LIMD1: variants seen among roughly 807,000 people sequenced by gnomAD.
LIMD1 encodes the protein LIM domain containing 1, also known as LIM domain-containing protein 1.
Under a neutral mutation model 58.4 loss-of-function variants are expected in LIMD1, and 23 were observed. The ratio of observed to expected loss-of-function variants is 0.39; its 90% confidence interval spans 0.28 to 0.56. The LOEUF (loss-of-function observed/expected upper bound fraction) is 0.56, where lower values mean the gene tolerates loss of function less well. Ranked by LOEUF, LIMD1 falls within the 20% of genes least tolerant of loss-of-function variation. LIMD1 has a pLI of 0.57. For missense variants in LIMD1, 838 were observed against 855.5 expected, an observed-to-expected ratio of 0.98 and a Z score of 0.25; for synonymous variants, 334 against 345.5, an observed-to-expected ratio of 0.97 and a Z score of 0.37.
chr3:45,654,493 ATT>A (rs1189300063), intron 2 of LIMD1, among the ~76,000 whole-genome samples: 1 of 152,074 alleles, frequency 6.6e-6, no homozygotes, highest in South Asian at 2.1e-4. Flanking sequence ...TATCAGATGC[ATT>A]TTTCTCTTTT....
chr3:45,603,691 C>G (rs1206656439), intron 1 of LIMD1, among the ~76,000 whole-genome samples: 1 of 152,132 alleles, frequency 6.6e-6, no homozygotes. Context: ...AAAATTGAGG[C>G]AGAGTCTCAC....
At chr3:45,627,409 A>G (rs1418772054) in intron 1 of LIMD1, among the ~76,000 whole-genome samples, 1 of 152,208 alleles carries the variant, frequency 6.6e-6, no homozygotes, top group Non-Finnish European at 1.5e-5. Context: ...TTCATGTATA[A>G]AGTGATGATG....
At chr3:45,664,180 A>G (rs1697481973) in intron 2 of LIMD1, among the ~76,000 whole-genome samples, 1 of 151,728 alleles carries the variant, frequency 6.6e-6, no homozygotes, top group Non-Finnish European at 1.5e-5. Flanking sequence ...CAATTTTTGT[A>G]CCTTTTGTAG....
chr3:45,603,037 C>T (rs941380052), intron 1 of LIMD1, among the ~76,000 whole-genome samples: 1 of 152,128 alleles, frequency 6.6e-6, no homozygotes, highest in Non-Finnish European at 1.5e-5. Context: ...GACAGGGTTT[C>T]GCCATGTTGG....
rs1697769435 is a variant in LIMD1 at position 45,683,529 on chromosome 3, C to T, written c.*6470C>T. The stretch of plus-strand genomic sequence containing the variant: ...AGGAGTATAACTTTGTAACTTCAGC[C>T]TCTGATTGGGCGTTTTACACAACCA... On this transcript the variant is annotated 3_prime_UTR_variant, in exon 8 of 8. Coordinates refer to ENST00000273317, the MANE Select transcript of LIMD1 (RefSeq NM_014240.3). The T allele has an allele frequency of 6.6e-6, 1 of 152,114 alleles. No individual in the cohort carries two copies. The highest frequency in any genetic ancestry group is 6.5e-5 in the Admixed American group (1 of 15,272). 9.4% of individuals were successfully genotyped at this position (152,114 alleles called of 1,614,324 possible). A position where few individuals can be genotyped will look rare whatever the true frequency, so the allele number is the denominator to read the frequency against.
intron 1 of LIMD1, among the ~76,000 whole-genome samples, chr3:45,616,573 G>GT (rs1308586690): frequency 1.5e-4 from 6 of 41,002 alleles, no homozygotes; most frequent in African/African-American, 6.4e-4. Context: ...TCCCTGCTGT[G>GT]TGCTGCACCC....
intron 1 of LIMD1, among the ~76,000 whole-genome samples, chr3:45,608,839 C>A (rs75348758): frequency 3.0e-3 from 305 of 102,856 alleles, no homozygotes; most frequent in South Asian, 5.6e-3. Context: ...GACTCGGTAT[C>A]AAAAAAAAAA....
chr3:45,621,892 G>A (rs1008308772), intron 1 of LIMD1, among the ~76,000 whole-genome samples: 6 of 151,852 alleles, frequency 4.0e-5, no homozygotes, highest in African/African-American at 9.7e-5. Context: ...CTGAAACCCC[G>A]TGTGTACTAA....
chr3:45,612,793 C>T lies in LIMD1; in HGVS notation c.1408+16506C>T, dbSNP rs573637928. The T allele has an allele frequency of 7.2e-5, 11 of 152,308 alleles. No individual in the cohort carries two copies. The South Asian group carries it at 2.3e-3, about 32-fold the overall frequency. 9.4% of individuals were successfully genotyped at this position (152,308 alleles called of 1,614,324 possible). ...ATAGTATTTATATACAGTTGATCTTCATTATCCACAGATTCTGTATTTGTG... is the reference window on the plus strand; with the variant it reads ...ATAGTATTTATATACAGTTGATCTTTATTATCCACAGATTCTGTATTTGTG... On this transcript the variant is annotated intron_variant, in intron 1 of 7. Coordinates refer to ENST00000273317, the MANE Select transcript of LIMD1 (RefSeq NM_014240.3).
rs1021537786 is a variant in LIMD1, at chr3:45,679,220, G to C, written c.*2161G>C. ...TTTTCAAAGTGGCCTAGATTGAGGT[G>C]ATTCAGATAGGTTTGCGAATATACC... is the stretch of plus-strand genomic sequence containing the variant. On this transcript the variant is annotated 3_prime_UTR_variant, in exon 8 of 8. Transcript: ENST00000273317. 2 of 152,214 alleles carry C rather than the reference G, an allele frequency of 1.3e-5. No homozygotes were observed. The highest frequency in any genetic ancestry group is 4.8e-5 in the African/African-American group (2 of 41,458). The allele number at this position is 152,214 out of a possible 1,614,324, so 9.4% of individuals were successfully genotyped here.
intron 2 of LIMD1, among the ~76,000 whole-genome samples, chr3:45,639,380 G>T (rs980336874): frequency 6.6e-6 from 1 of 152,194 alleles, no homozygotes; most frequent in African/African-American, 2.4e-5. Context: ...ATTGATGAGC[G>T]TCTTAGTCTG....
chr3:45,608,919 C>T (rs999499058), intron 1 of LIMD1, among the ~76,000 whole-genome samples: 6 of 150,848 alleles, frequency 4.0e-5, no homozygotes, highest in Non-Finnish European at 8.9e-5. Flanking sequence ...AAATAGAAAC[C>T]GAAAGACCTG....
Position 45,595,433 on chromosome 3 carries a change from T to C in LIMD1, c.554T>C (p.Leu185Ser). The C allele has an allele frequency of 6.2e-7, 1 of 1,614,064 alleles. No homozygotes were observed. The highest frequency in any genetic ancestry group is 8.5e-7 in the Non-Finnish European group (1 of 1,179,986). ...THGDYYDNLS[L>S]ASPKWGDKPG... is the part of the protein sequence containing the mutation. ...GGAGACTATTATGACAACCTCTCCT[T>C]GGCAAGCCCAAAGTGGGGTGACAAA... Residue 185 changes from leucine (L) to serine (S), a missense_variant, in exon 1 of 8, where the codon TTG (leucine) becomes TCG (serine). Physicochemically the swap from Leu to Ser is moderately radical, Grantham distance 145. Coordinates refer to ENST00000273317, the MANE Select transcript of LIMD1 (RefSeq NM_014240.3).
rs573458418 is a variant in LIMD1 at position 45,669,994 on chromosome 3, C to T, written c.1641+1638C>T. Among the ~76,000 whole-genome samples the T allele has an allele frequency of 2.0e-5, 3 of 152,268 alleles. No homozygotes were observed. The South Asian group carries it at 6.2e-4, about 32-fold the overall frequency. ...TTCGTGATGAATATCTGCTATCTCC[C>T]AGGCTTTGACAGACCTCAGCAGAGG... On this transcript the variant is annotated intron_variant, in intron 4 of 7. Coordinates refer to ENST00000273317, the MANE Select transcript of LIMD1 (RefSeq NM_014240.3).
At chr3:45,649,141 C>A (rs1701937061) in intron 2 of LIMD1, among the ~76,000 whole-genome samples, 1 of 152,018 alleles carries the variant, frequency 6.6e-6, no homozygotes, top group Non-Finnish European at 1.5e-5. Flanking sequence ...AGATTCATGT[C>A]CATGTTTTCT....
chr3:45,653,831 A>G (rs141553630), intron 2 of LIMD1, among the ~76,000 whole-genome samples: 5,959 of 147,226 alleles, frequency 0.04, 129 homozygotes, highest in African/African-American at 0.062. Context: ...GATGGCTTGA[A>G]TCCAGAAGGC....
chr3:45,665,550 G>T, intron 2 of LIMD1, 100 bp from the exon 3 acceptor site: 1 of 941,020 alleles, frequency 1.1e-6, no homozygotes, highest in Non-Finnish European at 1.7e-6. Flanking sequence ...GTTTTTACGT[G>T]TTTATTTCTG....
chr3:45,646,041 A>AG (rs1701901919), intron 2 of LIMD1, among the ~76,000 whole-genome samples: 1 of 152,062 alleles, frequency 6.6e-6, no homozygotes, highest in Non-Finnish European at 1.5e-5. Flanking sequence ...AAAAAAAAAA[A>AG]AAAAAAGATT....
chr3:45,660,442 GTCTC>G (rs1217998392), intron 2 of LIMD1, among the ~76,000 whole-genome samples: 6 of 129,546 alleles, frequency 4.6e-5, no homozygotes, highest in Non-Finnish European at 7.9e-5. Flanking sequence ...CCGAGACGGA[GTCTC>G]TCTCTGTCAT....
Sources: allele counts gnomAD v4.1 joint callset (sites outside exome capture counted in the v4.1 genomes callset), GRCh38; gene constraint gnomAD v4.1.1; transcripts MANE v1.5; gene names NCBI Gene and HGNC (gene_info 2026-07-23, HGNC 2026-07-21).